Variants in NRG1 observed in about 807,000 individuals in gnomAD.
NRG1 encodes neuregulin 1.
Under a neutral mutation model 63.8 loss-of-function variants are expected in NRG1, and 18 were observed. The ratio of observed to expected loss-of-function variants is 0.28; its 90% CI spans 0.19 to 0.42. NRG1 has a LOEUF of 0.42. NRG1 is among the 10% of genes least tolerant of loss of function. NRG1 has a pLI of 1.00. For synonymous variants in NRG1, 302 were observed against 301.3 expected, an observed-to-expected ratio of 1.00 and a Z score of -0.02; for missense variants, 762 against 814.7, an observed-to-expected ratio of 0.94 and a Z score of 0.79.
chr8:32,075,964 C>T (rs947104567), intron 1 of NRG1, among the ~76,000 whole-genome samples: 9 of 152,104 alleles, frequency 5.9e-5, no homozygotes, highest in Non-Finnish European at 1.0e-4. Context: ...TGAACCACCG[C>T]GCTCGGCCAC....
At chr8:32,486,612 C>G (rs1825927777) in intron 1 of NRG1, among the ~76,000 whole-genome samples, 1 of 148,702 alleles carries the variant, frequency 6.7e-6, no homozygotes, top group South Asian at 2.1e-4. Flanking sequence ...CCTCAAGAGG[C>G]TACAGAATTG....
chr8:31,899,677 A>G (rs1367291646), intron 1 of NRG1, among the ~76,000 whole-genome samples: 1 of 152,200 alleles, frequency 6.6e-6, no homozygotes, highest in East Asian at 1.9e-4. Context: ...AACATTTTCA[A>G]GCTTTTTAAA....
At chr8:31,879,116 C>T (rs1477738918) in intron 1 of NRG1, among the ~76,000 whole-genome samples, 1 of 152,074 alleles carries the variant, frequency 6.6e-6, no homozygotes, top group Non-Finnish European at 1.5e-5. Flanking sequence ...ACGCATTACA[C>T]AAGGGATGAC....
intron 1 of NRG1, among the ~76,000 whole-genome samples, chr8:31,891,880 T>C (rs1831171063): frequency 6.6e-6 from 1 of 152,184 alleles, no homozygotes; most frequent in South Asian, 2.1e-4. Context: ...AGAAATATGC[T>C]GAGTGAGAAA....
chr8:31,680,897 C>G lies in NRG1; in HGVS notation c.37+41466C>G, dbSNP rs544675074. Among the ~76,000 whole-genome samples the G allele has an allele frequency of 6.6e-5, 10 of 152,260 alleles. No individual in the cohort carries two copies. The South Asian group carries it at 2.1e-3, about 32-fold the overall frequency. ...TCCTGCCCGCACACAGAACAGCGAA[C>G]AGGGAGTTTTGCCCTCCCAGATATT... is the stretch of plus-strand genomic sequence containing the variant. On this transcript the variant is annotated intron_variant, in intron 1 of 10. Coordinates refer to the NRG1 transcript ENST00000519301.
chr8:32,495,048 G>A (rs1206062020), intron 1 of NRG1, among the ~76,000 whole-genome samples: 1 of 152,184 alleles, frequency 6.6e-6, no homozygotes, highest in Non-Finnish European at 1.5e-5. Flanking sequence ...TGATTCTGAT[G>A]TATTTCCCTT....
At chr8:31,800,922 G>A (rs942035191) in intron 1 of NRG1, among the ~76,000 whole-genome samples, 15 of 138,494 alleles carry the variant, frequency 1.1e-4, no homozygotes, top group Admixed American at 5.6e-4. Flanking sequence ...TTCACTGCAA[G>A]CTCCACCTTC....
intron 1 of NRG1, among the ~76,000 whole-genome samples, chr8:32,046,510 C>T (rs1001319181): frequency 6.6e-5 from 10 of 152,018 alleles, no homozygotes; most frequent in African/African-American, 1.9e-4. Flanking sequence ...TTTATAGTAG[C>T]TTTGTTCATA....
intron 1 of NRG1, among the ~76,000 whole-genome samples, chr8:32,262,324 G>A (rs893630731): frequency 1.3e-5 from 2 of 152,122 alleles, no homozygotes; most frequent in African/African-American, 2.4e-5. Context: ...ATAGTTCTTT[G>A]ATGTATAGTG....
chr8:32,361,074 T>C (rs574522519), intron 1 of NRG1, among the ~76,000 whole-genome samples: 1 of 152,258 alleles, frequency 6.6e-6, no homozygotes, highest in East Asian at 1.9e-4. Flanking sequence ...GATAGACCTA[T>C]TGTGATGGCC....
Position 32,623,785 on chromosome 8 carries a change from A to G in NRG1, c.502+6900A>G, listed in dbSNP as rs1848727685. On this transcript the variant is annotated intron_variant, in intron 5 of 11. Coordinates refer to ENST00000356819, the Ensembl canonical transcript of NRG1. ...ACAATACTGCTTGCGAGTATAATTT[A>G]TTTCTTCACTTCTGCCTTTGCCCTT... 3.9e-5 allele frequency among the ~76,000 whole-genome samples: 6 copies of G among 152,286 alleles called. No individual in the cohort carries two copies. In the South Asian group the frequency reaches 1.2e-3, roughly 32 times the overall value.
intron 1 of NRG1, among the ~76,000 whole-genome samples, chr8:31,921,477 TACACACAC>T (rs10557313): frequency 1.3e-5 from 2 of 150,684 alleles, no homozygotes; most frequent in African/African-American, 4.9e-5. Context: ...TACACACACA[TACACACAC>T]ACACACACAC....
In NRG1 at chr8:32,763,729, G is replaced by A; in HGVS notation, c.1260-19G>A. The A allele has an allele frequency of 6.5e-7, 1 of 1,526,974 alleles. No homozygotes were observed. The highest frequency in any genetic ancestry group is 8.8e-7 in the Non-Finnish European group (1 of 1,138,374). 94.6% of individuals were successfully genotyped at this position (1,526,974 alleles called of 1,614,324 possible). On this transcript the variant is annotated intron_variant, in intron 11 of 11. Coordinates refer to ENST00000356819, the Ensembl canonical transcript of NRG1. The stretch of plus-strand genomic sequence containing the variant: ...TCTTATTGCACCACACTTATGCAGG[G>A]TATTCTGTGCTCACACAGGTATGTG...
intron 1 of NRG1, among the ~76,000 whole-genome samples, chr8:32,533,513 G>A (rs185784620): frequency 4.7e-4 from 71 of 151,962 alleles, no homozygotes; most frequent in Non-Finnish European, 7.2e-4. Flanking sequence ...CACAGAACAC[G>A]CTGTTTTAGG....
intron 1 of NRG1, among the ~76,000 whole-genome samples, chr8:32,079,275 C>T (rs1205434047): frequency 1.3e-5 from 2 of 151,768 alleles, no homozygotes; most frequent in East Asian, 3.9e-4. Context: ...TTTTTTTCAT[C>T]ATAGTTTGTT....
At chr8:32,636,724 A>G (rs1208977236) in intron 5 of NRG1, among the ~76,000 whole-genome samples, 1 of 152,122 alleles carries the variant, frequency 6.6e-6, no homozygotes, top group African/African-American at 2.4e-5. Flanking sequence ...GGGGAGGGGG[A>G]CAGAAAAAGC....
intron 1 of NRG1, among the ~76,000 whole-genome samples, chr8:31,813,523 T>C (rs1377056115): frequency 7.2e-6 from 1 of 139,410 alleles, no homozygotes; most frequent in Admixed American, 7.2e-5. Flanking sequence ...TTTCTTTTTT[T>C]TTTTTTTTTT....
chr8:32,473,545 C>T (rs16879453), intron 1 of NRG1, among the ~76,000 whole-genome samples: 1 of 152,152 alleles, frequency 6.6e-6, no homozygotes, highest in South Asian at 2.1e-4. Context: ...CTAATTCCAT[C>T]CTGGTTTCTA....
rs573718942 is a variant in NRG1 at position 31,730,756 on chromosome 8, A to C, written c.37+91325A>C. The stretch of plus-strand genomic sequence containing the variant: ...AAATAAAAATACGAAGTACTTAGGC[A>C]AAAACCAAGAAGAAATAACAAACTT... On this transcript the variant is annotated intron_variant, in intron 1 of 10. Transcript: ENST00000519301. Among the ~76,000 whole-genome samples the C allele has an allele frequency of 6.6e-5, 10 of 152,294 alleles. No homozygotes were observed. The East Asian group carries it at 1.9e-3, about 29-fold the overall frequency.
Sources: allele counts gnomAD v4.1 joint callset (sites outside exome capture counted in the v4.1 genomes callset), GRCh38; gene constraint gnomAD v4.1.1; transcripts MANE v1.5; gene names NCBI Gene and HGNC (gene_info 2026-07-23, HGNC 2026-07-21).